UBE4B: variants seen among roughly 807,000 people sequenced by gnomAD.
UBE4B encodes the protein ubiquitination factor E4B.
In UBE4B, 27 loss-of-function variants were observed where a neutral mutation model predicts 148.1. The observed-to-expected ratio is 0.18, with a 90% CI of 0.13 to 0.25. The LOEUF (loss-of-function observed/expected upper bound fraction) is 0.25. Among genes scored for constraint, UBE4B ranks in the 10% least tolerant of loss-of-function variants. The probability of loss-of-function intolerance (pLI) is 1.00; values close to 1 mark genes in which losing one functional copy is unlikely to be tolerated. For synonymous variants in UBE4B, 596 were observed against 619.3 expected (o/e 0.96, Z 0.56); for missense variants, 1,170 against 1,662.4 (o/e 0.70, Z 5.15).
chr1:10,175,590 G>A (rs1263022902), intron 25 of UBE4B, among the ~76,000 whole-genome samples: 1 of 152,106 alleles, frequency 6.6e-6, no homozygotes, highest in Admixed American at 6.6e-5. Context: ...GGTGGAGCTT[G>A]CAGTGAGCCG....
Position 10,106,525 on chromosome 1 carries a change from C to T in UBE4B, c.1138C>T (p.Pro380Ser), listed in dbSNP as rs547751822. 3.7e-5 allele frequency: 59 copies of T among 1,607,070 alleles called. 2 individuals are homozygous for T. The South Asian group carries it at 3.9e-4, about 11-fold the overall frequency. The change falls in exon 7 of 28, where the codon CCA becomes TCA. Residue 380 changes from proline to serine, a missense_variant. By Grantham distance (74) the Pro-to-Ser change is moderately conservative. Around this residue, in one of 6 missense-constraint regions of UBE4B, gnomAD observed 214 missense variants for 209.1 expected, o/e 1.02. Transcript: ENST00000343090. This position sits in a 1 kb window ranked among gnomAD's most constrained non-coding sequence, Gnocchi z 4.2. ...QRPSSTGPPLPPASPSATSRR... is the reference protein window; with the variant it reads ...QRPSSTGPPLSPASPSATSRR... ...GCCCAGCAGCACGGGTCCACCCCTA[C>T]CACCCGCCTCACCCAGTGCCACGAG...
intron 27 of UBE4B, 82 bp from the exon 28 acceptor site, chr1:10,179,813 A>G: frequency 1.9e-6 from 3 of 1,563,234 alleles, no homozygotes; most frequent in East Asian, 2.2e-5. Flanking sequence ...TTTTCTTCCC[A>G]TTTATACAGA....
intron 12 of UBE4B, 124 bp downstream of exon 12, chr1:10,129,572 C>T (rs139675297): frequency 1.4e-5 from 12 of 884,410 alleles, no homozygotes; most frequent in Admixed American, 5.9e-5. Flanking sequence ...GCGGAGGTAA[C>T]GTGTCTGGGA....
In UBE4B at chr1:10,168,512, C is replaced by CT. The variant is rs1160918552; in HGVS notation, c.3333+245dup. ...AGCCACTTCCAAATGCCTTACTGCA[C>CT]TTTGTGCTTAGACAGTACATTGGAT... is the stretch of plus-strand genomic sequence containing the variant. On this transcript the variant is annotated intron_variant, in intron 24 of 27. Coordinates refer to ENST00000343090, the MANE Select transcript of UBE4B (RefSeq NM_001105562.3). The surrounding 1 kb of genome is among the most constrained non-coding windows in gnomAD (Gnocchi z 4.9). Among the ~76,000 whole-genome samples, 2 of 152,224 alleles carry CT rather than the reference C, an allele frequency of 1.3e-5. No homozygotes were observed. Among genetic ancestry groups the CT allele is most frequent in the Non-Finnish European group, 2.9e-5 (2 of 68,052 alleles).
chr1:10,101,071 AAAAGGT>A, intron 3 of UBE4B, 31 bp from the exon 4 acceptor site: 1 of 1,592,654 alleles, frequency 6.3e-7, no homozygotes, highest in South Asian at 1.1e-5. Flanking sequence ...GCGGATTTAT[AAAAGGT>A]AAAAGGCTTG....
chr1:10,038,050 G>A (rs1158445838), intron 1 of UBE4B, among the ~76,000 whole-genome samples: 1 of 152,040 alleles, frequency 6.6e-6, no homozygotes, highest in Non-Finnish European at 1.5e-5. Context: ...GGAGGCCGAG[G>A]TGGGTGGATC....
chr1:10,177,142 A>T (rs574899202), intron 25 of UBE4B, among the ~76,000 whole-genome samples: 1 of 152,156 alleles, frequency 6.6e-6, no homozygotes, highest in African/African-American at 2.4e-5. Context: ...TACATGTATC[A>T]TTGGATATAT....
At chr1:10,093,253 TG>T (rs1316620165) in intron 2 of UBE4B, among the ~76,000 whole-genome samples, 3 of 152,202 alleles carry the variant, frequency 2.0e-5, no homozygotes, top group Non-Finnish European at 4.4e-5. Flanking sequence ...GGCCTTTAAT[TG>T]TGATAGGTAA....
At chr1:10,174,575 G>A (rs1397790289) in intron 25 of UBE4B, among the ~76,000 whole-genome samples, 40 of 151,212 alleles carry the variant, frequency 2.6e-4, no homozygotes, top group African/African-American at 9.5e-4. Flanking sequence ...GGTGGTGTGC[G>A]CCTGTAATCC....
intron 1 of UBE4B, among the ~76,000 whole-genome samples, chr1:10,054,244 T>C (rs1644117295): frequency 6.6e-6 from 1 of 152,206 alleles, no homozygotes; most frequent in South Asian, 2.1e-4. Flanking sequence ...AATTGAGTAA[T>C]TTGTTGCACA....
At chr1:10,051,306 G>T (rs1215187574) in intron 1 of UBE4B, among the ~76,000 whole-genome samples, 2 of 152,174 alleles carry the variant, frequency 1.3e-5, no homozygotes, top group Non-Finnish European at 2.9e-5. Flanking sequence ...AGATTAATTG[G>T]AGTGATGTGA....
At chr1:10,092,470 G>A (rs968035927) in intron 2 of UBE4B, among the ~76,000 whole-genome samples, 11 of 151,472 alleles carry the variant, frequency 7.3e-5, no homozygotes, top group Admixed American at 4.6e-4. Context: ...TGATCCGCCC[G>A]CCTCAGCTCC....
In UBE4B at chr1:10,130,480, C is replaced by A; in HGVS notation, c.1696-20C>A. 6.2e-7 allele frequency: 1 copy of A among 1,608,834 alleles called. No homozygotes were observed. Among genetic ancestry groups the A allele is most frequent in the Non-Finnish European group, 8.5e-7 (1 of 1,176,034 alleles). On this transcript the variant is annotated intron_variant, in intron 12 of 27. Transcript: ENST00000343090. Reference sequence around the variant, plus strand: ...CCGGCCTGTTCAGCGGCTTGACTGGCTCTTCCATCTTCTGCCTAGGTTGCT... The same window carrying A: ...CCGGCCTGTTCAGCGGCTTGACTGGATCTTCCATCTTCTGCCTAGGTTGCT...
chr1:10,163,040 T>G (rs931301404), intron 23 of UBE4B, among the ~76,000 whole-genome samples: 2 of 152,138 alleles, frequency 1.3e-5, no homozygotes, highest in African/African-American at 4.8e-5. Flanking sequence ...GCTTATATTT[T>G]ATTTACTTAT....
intron 12 of UBE4B, among the ~76,000 whole-genome samples, chr1:10,129,687 C>G (rs752758580): frequency 2.6e-5 from 4 of 152,108 alleles, no homozygotes; most frequent in Non-Finnish European, 5.9e-5. Flanking sequence ...CACTCTGTCA[C>G]CCAGGCTGGA....
intron 1 of UBE4B, among the ~76,000 whole-genome samples, chr1:10,044,462 G>T (rs1269465580): frequency 6.6e-6 from 1 of 152,124 alleles, no homozygotes; most frequent in African/African-American, 2.4e-5. Flanking sequence ...TCCATGGGTG[G>T]TGGTGGTGGG....
At position 10,035,389 on chromosome 1, in the gene UBE4B, G is replaced by GTTTT. The variant is rs533941719; in HGVS notation, c.24+1717_24+1720dup. 4.0e-3 allele frequency among the ~76,000 whole-genome samples: 261 copies of GTTTT among 65,890 alleles called. 3 individuals are homozygous for GTTTT. The highest frequency in any genetic ancestry group is 4.4e-3 in the Non-Finnish European group (168 of 38,472). 43.2% of individuals were successfully genotyped at this position (65,890 alleles called of 152,430 possible). A position where few individuals can be genotyped will look rare whatever the true frequency, so the allele number is the denominator to read the frequency against. ...TAATTTCTCTTAAGGCAGAGATACT[G>GTTTT]TTTTTTTTTTTTTTTTTTTTTTTTT... is the stretch of plus-strand genomic sequence containing the variant. On this transcript the variant is annotated intron_variant, in intron 1 of 27. Coordinates refer to ENST00000343090, the MANE Select transcript of UBE4B (RefSeq NM_001105562.3).
rs1646489292 is a variant in UBE4B, at chr1:10,180,411, T to C, written c.*455T>C. On this transcript the variant is annotated 3_prime_UTR_variant, in exon 28 of 28. Transcript: ENST00000343090. ...CTTCCTGACCCTACTTGCACTGCTG[T>C]GGATTTTTTTAAGAGAAGCAAAAAC... The C allele has an allele frequency of 6.4e-6, 1 of 155,392 alleles. No individual in the cohort carries two copies. The allele number at this position is 155,392 out of a possible 1,614,324, so 9.6% of individuals were successfully genotyped here.
intron 22 of UBE4B, among the ~76,000 whole-genome samples, chr1:10,159,686 A>G (rs1315827634): frequency 2.0e-5 from 3 of 152,094 alleles, no homozygotes; most frequent in Admixed American, 6.5e-5. Context: ...CTCCGTCTCA[A>G]ATAAATAAAT....
Sources: allele counts gnomAD v4.1 joint callset (sites outside exome capture counted in the v4.1 genomes callset), GRCh38; gene constraint gnomAD v4.1.1; regional missense constraint gnomAD v4.1.1; non-coding constraint Gnocchi (gnomAD v3.1); transcripts MANE v1.5; gene names NCBI Gene and HGNC (gene_info 2026-07-23, HGNC 2026-07-21).